CEP112: variants seen among roughly 807,000 people sequenced by gnomAD.
CEP112 encodes centrosomal protein of 112 kDa.
Under a neutral mutation model 153.0 loss-of-function variants are expected in CEP112, and 127 were observed. The observed-to-expected ratio is 0.83, with a 90% CI of 0.72 to 0.96. The LOEUF is 0.96. Ranked by LOEUF, CEP112 falls within the 40% of genes least tolerant of loss-of-function variation. The probability of loss-of-function intolerance (pLI) is 0.00; values close to 1 mark genes in which losing one functional copy is unlikely to be tolerated. For synonymous variants in CEP112, 358 were observed against 374.4 expected, an observed-to-expected ratio of 0.96 and a Z score of 0.51; for missense variants, 1,089 against 1,101.2, an observed-to-expected ratio of 0.99 and a Z score of 0.16.
chr17:65,980,161 A>C (rs2145124566), intron 17 of CEP112, among the ~76,000 whole-genome samples: 1 of 152,294 alleles, frequency 6.6e-6, no homozygotes, highest in African/African-American at 2.4e-5. Flanking sequence ...TTCACTAAGA[A>C]TAGAGATATA....
intron 6 of CEP112, among the ~76,000 whole-genome samples, chr17:66,126,855 T>C (rs2077826809): frequency 6.6e-6 from 1 of 152,148 alleles, no homozygotes; most frequent in South Asian, 2.1e-4. Flanking sequence ...ATATAAAAAA[T>C]GTATCCGTAG....
At chr17:65,998,425 A>T (rs1276427868) in intron 17 of CEP112, among the ~76,000 whole-genome samples, 1 of 148,732 alleles carries the variant, frequency 6.7e-6, no homozygotes, top group East Asian at 1.9e-4. Context: ...CTAAAATTGA[A>T]CTGTGGTGAT....
intron 17 of CEP112, among the ~76,000 whole-genome samples, chr17:65,970,881 T>C (rs2062735833): frequency 6.6e-6 from 1 of 152,282 alleles, no homozygotes; most frequent in South Asian, 2.1e-4. Flanking sequence ...TCGCATTACA[T>C]GCATATCACA....
intron 24 of CEP112, among the ~76,000 whole-genome samples, chr17:65,685,667 A>ATT (rs556118592): frequency 0.034 from 3,620 of 105,174 alleles, 117 homozygotes; most frequent in African/African-American, 0.056. Flanking sequence ...AATAGTTCTA[A>ATT]TTTTTTTTTT....
intron 19 of CEP112, among the ~76,000 whole-genome samples, chr17:65,906,267 G>GC (rs888636218): frequency 1.6e-3 from 237 of 151,892 alleles, no homozygotes; most frequent in Non-Finnish European, 2.8e-3. Flanking sequence ...GGGCCTGTCG[G>GC]GGGGGTAGGG....
At chr17:65,793,957 T>C (rs2054750786) in intron 21 of CEP112, among the ~76,000 whole-genome samples, 1 of 152,252 alleles carries the variant, frequency 6.6e-6, no homozygotes, top group Non-Finnish European at 1.5e-5. Flanking sequence ...GGAAAAGAAC[T>C]ATTCCTGATG....
intron 21 of CEP112, among the ~76,000 whole-genome samples, chr17:65,801,506 T>A (rs1203808611): frequency 1.3e-5 from 2 of 152,234 alleles, no homozygotes; most frequent in East Asian, 3.8e-4. Flanking sequence ...CATAAACATT[T>A]TCTGGTATGT....
intron 20 of CEP112, among the ~76,000 whole-genome samples, chr17:65,890,210 G>A (rs2059415792): frequency 6.6e-6 from 1 of 152,104 alleles, no homozygotes; most frequent in African/African-American, 2.4e-5. Context: ...TGTAACAAGT[G>A]GAATATTAAA....
At chr17:66,096,776 TG>T (rs887425513) in intron 6 of CEP112, 144 bp from the exon 7 acceptor site, 1 of 613,688 alleles carries the variant, frequency 1.6e-6, no homozygotes, top group Admixed American at 2.9e-5. Context: ...GGGTATTGTA[TG>T]ATATATTTTT....
chr17:65,768,368 A>G (rs893422344), intron 21 of CEP112, among the ~76,000 whole-genome samples: 2 of 152,060 alleles, frequency 1.3e-5, no homozygotes, highest in African/African-American at 4.8e-5. Context: ...TTGCTGTCTC[A>G]GGGGTGGCAG....
chr17:65,797,434 T>C (rs1420483098), intron 21 of CEP112: 1 of 152,244 alleles, frequency 6.6e-6, no homozygotes, highest in Non-Finnish European at 1.5e-5. Context: ...TTAAACAGTT[T>C]GTTTACCATT....
chr17:65,720,389 G>C (rs973478895), intron 23 of CEP112, among the ~76,000 whole-genome samples: 29 of 152,188 alleles, frequency 1.9e-4, no homozygotes, highest in Non-Finnish European at 3.8e-4. Context: ...GTAAGAAAAG[G>C]AAGCCAGGAA....
At chr17:65,739,243 T>C (rs2081124357) in intron 23 of CEP112, among the ~76,000 whole-genome samples, 1 of 152,190 alleles carries the variant, frequency 6.6e-6, no homozygotes, top group African/African-American at 2.4e-5. Context: ...ACCCAGCTGA[T>C]CCCTGCCCAA....
intron 4 of CEP112, among the ~76,000 whole-genome samples, chr17:66,160,483 A>T (rs2071652362): frequency 6.6e-6 from 1 of 152,214 alleles, no homozygotes; most frequent in Non-Finnish European, 1.5e-5. Context: ...TGGTACTGGT[A>T]CCAAAACAGA....
intron 23 of CEP112, among the ~76,000 whole-genome samples, chr17:65,709,391 C>T (rs2049065714): frequency 6.6e-6 from 1 of 152,110 alleles, no homozygotes; most frequent in Non-Finnish European, 1.5e-5. Context: ...CTGGGGCAGC[C>T]TCACAATCAC....
At chr17:65,870,456 A>G (rs1478761890) in intron 20 of CEP112, among the ~76,000 whole-genome samples, 1 of 152,230 alleles carries the variant, frequency 6.6e-6, no homozygotes, top group African/African-American at 2.4e-5. Flanking sequence ...CACGTAAAAT[A>G]GCTATGTAGA....
chr17:65,833,523 A>G (rs2057174675), intron 21 of CEP112, among the ~76,000 whole-genome samples: 1 of 152,208 alleles, frequency 6.6e-6, no homozygotes, highest in African/African-American at 2.4e-5. Context: ...TGTAAAATCA[A>G]TGTACTAAAA....
At chr17:66,173,428 C>G (rs776322856) in intron 4 of CEP112, among the ~76,000 whole-genome samples, 1 of 152,180 alleles carries the variant, frequency 6.6e-6, no homozygotes, top group African/African-American at 2.4e-5. Context: ...TTAAGTCCAA[C>G]CAAGCAAATC....
chr17:66,057,341 C>T (rs1248539224), intron 11 of CEP112, among the ~76,000 whole-genome samples: 1 of 152,162 alleles, frequency 6.6e-6, no homozygotes, highest in Non-Finnish European at 1.5e-5. Flanking sequence ...CTTTAAGTAG[C>T]TGAGTTGATC....
Sources: gnomAD v4.1 joint callset for allele counts (sites outside exome capture counted in the v4.1 genomes callset) on GRCh38, gnomAD v4.1.1 for gene constraint, MANE v1.5 for transcripts, NCBI Gene and HGNC (gene_info 2026-07-23, HGNC 2026-07-21) for gene names.